The following RYR1 variants were observed in gnomAD, a reference collection of about 807,000 sequenced individuals.
RYR1 encodes the protein ryanodine receptor 1, also known as central core disease of muscle.
RYR1 carries 342 observed loss-of-function variants against 583.5 expected under a neutral mutation model. That is an observed-to-expected ratio of 0.59 (90% CI 0.54 to 0.64). RYR1 has a LOEUF of 0.64. Ranked by LOEUF, RYR1 falls within the 30% of genes least tolerant of loss-of-function variation. The pLI is 0.00. For synonymous variants in RYR1, 2,791 were observed against 2,822.5 expected, an observed-to-expected ratio of 0.99 and a Z score of 0.35; for missense variants, 6,032 against 6,917.2, an observed-to-expected ratio of 0.87 and a Z score of 4.54.
intron 99 of RYR1, among the ~76,000 whole-genome samples, chr19:38,579,754 C>G (rs941317400): frequency 3.9e-5 from 6 of 152,048 alleles, no homozygotes; most frequent in African/African-American, 1.4e-4. Context: ...CATCCTTTGG[C>G]TCCCTCAGTG....
intron 101 of RYR1, among the ~76,000 whole-genome samples, chr19:38,580,907 T>A (rs1467328131): frequency 6.6e-6 from 1 of 151,358 alleles, no homozygotes; most frequent in East Asian, 1.9e-4. Context: ...ACATTTTTTT[T>A]TTTTTTTTTT....
chr19:38,579,830 C>T, intron 99 of RYR1, 152 bp from the exon 100 acceptor site: 1 of 945,958 alleles, frequency 1.1e-6, no homozygotes, highest in Non-Finnish European at 1.7e-6. Flanking sequence ...GATGCCTTCT[C>T]ACCCGGAATG....
At position 38,496,159 on chromosome 19, in the gene RYR1, A is replaced by C; in HGVS notation, c.6549-56A>C. ...TGCCAACGCTGTCACAGTGGTGGCT[A>C]TGGCCCTCTCCGGACCTGGGCCCCT... On this transcript the variant is annotated intron_variant, in intron 39 of 105. Transcript: ENST00000359596. The surrounding 1 kb of genome is among the most constrained non-coding windows in gnomAD (Gnocchi z 4.8). The C allele has an allele frequency of 2.9e-6, 4 of 1,401,304 alleles. No homozygotes were observed. Among genetic ancestry groups the C allele is most frequent in the Non-Finnish European group, 4.0e-6 (4 of 991,070 alleles). 86.8% of individuals were successfully genotyped at this position (1,401,304 alleles called of 1,614,324 possible).
Position 38,452,866 on chromosome 19 carries a change from C to A in RYR1, c.1292C>A (p.Ala431Asp). 6.2e-7 allele frequency: 1 copy of A among 1,609,586 alleles called. No homozygotes were observed. Among genetic ancestry groups the A allele is most frequent in the Non-Finnish European group, 8.5e-7 (1 of 1,177,982 alleles). Reference sequence around the variant, plus strand: ...AAGCCACGGGGCTCGGGGCCACCCGCTGGCACGGCGCTGCCCATCGAGGGC... The same window carrying A: ...AAGCCACGGGGCTCGGGGCCACCCGATGGCACGGCGCTGCCCATCGAGGGC... ...SGKPRGSGPP[A>D]GTALPIEGVI... is the part of the protein sequence containing the mutation. The change falls in exon 13 of 106, where the codon GCT becomes GAT. Residue 431 changes from alanine to aspartate, a missense_variant. This residue lies in a region of RYR1 where 2,627 missense variants were observed against 2,961.3 expected (regional missense o/e 0.89). Transcript: ENST00000359596.
At chr19:38,458,618 G>A (rs62118990) in intron 18 of RYR1, among the ~76,000 whole-genome samples, 29 of 149,140 alleles carry the variant, frequency 1.9e-4, no homozygotes, top group Admixed American at 7.4e-4. Flanking sequence ...TATTTTGTTT[G>A]TTTGTTTGTT....
intron 89 of RYR1, among the ~76,000 whole-genome samples, chr19:38,557,046 CA>C (rs1972906912): frequency 8.7e-6 from 1 of 114,464 alleles, no homozygotes; most frequent in East Asian, 2.7e-4. Flanking sequence ...GCGATAGTCT[CA>C]TTTCTTTTTT....
At chr19:38,463,640 G>A in intron 21 of RYR1, 107 bp from the exon 22 acceptor site, 1 of 1,455,044 alleles carries the variant, frequency 6.9e-7, no homozygotes, top group South Asian at 1.1e-5. Flanking sequence ...GGGGTCCTTG[G>A]ACTGAGGGTG....
At chr19:38,463,658 T>A in intron 21 of RYR1, 89 bp from the exon 22 acceptor site, 2 of 1,475,516 alleles carry the variant, frequency 1.4e-6, no homozygotes, top group Non-Finnish European at 9.5e-7. Context: ...GTGGCAGAAC[T>A]AGGGTTGGAG....
chr19:38,476,467 G>A (rs576214282), intron 29 of RYR1, among the ~76,000 whole-genome samples: 34 of 152,262 alleles, frequency 2.2e-4, no homozygotes, highest in African/African-American at 7.7e-4. Context: ...AAAGTGCTGG[G>A]ATTACAGGCA....
At chr19:38,564,890 A>T in intron 90 of RYR1, 69 bp from the exon 91 acceptor site, 1 of 1,534,884 alleles carries the variant, frequency 6.5e-7, no homozygotes, top group Non-Finnish European at 8.7e-7. Flanking sequence ...TGTAGCTGCC[A>T]CTGCGCTGTC....
chr19:38,483,600 C>T lies in RYR1; in HGVS notation c.4934+84C>T, dbSNP rs1005925044. The stretch of plus-strand genomic sequence containing the variant: ...GGTCCCACTCAGTGCCCCTCCTCAA[C>T]ACAACCCCGGGATTCCAGACTACAC... On this transcript the variant is annotated intron_variant, in intron 33 of 105. Transcript: ENST00000359596. This position sits in a 1 kb window ranked among gnomAD's most constrained non-coding sequence, Gnocchi z 6.3. 9 of 1,239,150 alleles carry T rather than the reference C, an allele frequency of 7.3e-6. No individual in the cohort carries two copies. Among genetic ancestry groups the T allele is most frequent in the Non-Finnish European group, 1.0e-5 (9 of 881,006 alleles). 76.8% of individuals were successfully genotyped at this position (1,239,150 alleles called of 1,614,324 possible).
At chr19:38,522,900 C>A in intron 67 of RYR1, 128 bp from the exon 68 acceptor site, 1 of 776,168 alleles carries the variant, frequency 1.3e-6, no homozygotes, top group Admixed American at 2.2e-5. Context: ...GGCCAGATGA[C>A]CCTAGAAACC....
intron 87 of RYR1, among the ~76,000 whole-genome samples, chr19:38,545,720 G>T (rs1972393477): frequency 6.6e-6 from 1 of 152,082 alleles, no homozygotes; most frequent in Non-Finnish European, 1.5e-5. Flanking sequence ...CTTAGGCAGG[G>T]GAATTGCTTG....
chr19:38,485,111 A>G (rs2145539502), intron 33 of RYR1, among the ~76,000 whole-genome samples: 1 of 152,284 alleles, frequency 6.6e-6, no homozygotes, highest in South Asian at 2.1e-4. Flanking sequence ...ATGGCACTCA[A>G]ACACAACTAG....
chr19:38,434,370 C>T (rs1972332465), intron 1 of RYR1, among the ~76,000 whole-genome samples: 1 of 152,022 alleles, frequency 6.6e-6, no homozygotes, highest in Admixed American at 6.5e-5. Flanking sequence ...GGGGAGGGAT[C>T]TCTTGGGTTC....
chr19:38,482,265 C>T (rs1292589802), intron 31 of RYR1, among the ~76,000 whole-genome samples: 1 of 151,974 alleles, frequency 6.6e-6, no homozygotes, highest in Non-Finnish European at 1.5e-5. Flanking sequence ...CCTGTGGTGG[C>T]TTTTTAACAT....
intron 90 of RYR1, among the ~76,000 whole-genome samples, chr19:38,563,133 G>A (rs1021163619): frequency 2.0e-5 from 3 of 152,122 alleles, no homozygotes; most frequent in South Asian, 4.1e-4. Context: ...CTTTGCCTTA[G>A]TGCTATTCCT....
chr19:38,457,669 C>T (rs750178299), intron 17 of RYR1, 39 bp downstream of exon 17: 1 of 1,601,772 alleles, frequency 6.2e-7, no homozygotes, highest in African/African-American at 1.3e-5. Flanking sequence ...CTCAGAACCT[C>T]TCAACCCTCT....
chr19:38,462,250 A>G (rs909689832), intron 20 of RYR1, among the ~76,000 whole-genome samples: 49 of 152,146 alleles, frequency 3.2e-4, no homozygotes, highest in African/African-American at 1.1e-3. Flanking sequence ...CTGATATCTG[A>G]TAGCATTGTT....
Sources: allele counts gnomAD v4.1 joint callset (sites outside exome capture counted in the v4.1 genomes callset), GRCh38; gene constraint gnomAD v4.1.1; regional missense constraint gnomAD v4.1.1; non-coding constraint Gnocchi (gnomAD v3.1); transcripts MANE v1.5; gene names NCBI Gene and HGNC (gene_info 2026-07-23, HGNC 2026-07-21).